GRM7: variants seen among roughly 807,000 people sequenced by gnomAD.
GRM7 encodes the protein glutamate metabotropic receptor 7.
A neutral mutation model predicts 84.5 loss-of-function variants in GRM7; 35 were observed. That is an observed-to-expected ratio of 0.41 (90% CI 0.32 to 0.55). The LOEUF (loss-of-function observed/expected upper bound fraction) is 0.55, where lower values mean the gene tolerates loss of function less well. Among genes scored for constraint, GRM7 ranks in the 20% least tolerant of loss-of-function variants. The pLI, the probability that GRM7 is intolerant of heterozygous loss-of-function variation, is 0.19. For missense variants in GRM7, 1,003 were observed against 1,194.6 expected, an observed-to-expected ratio of 0.84 and a Z score of 2.36; for synonymous variants, 487 against 455.1, an observed-to-expected ratio of 1.07 and a Z score of -0.89.
intron 1 of GRM7, among the ~76,000 whole-genome samples, chr3:6,967,144 C>A (rs188626555): frequency 3.5e-3 from 534 of 152,126 alleles, no homozygotes; most frequent in African/African-American, 0.012. Flanking sequence ...CTTTGAGTTG[C>A]CAAACTATAG....
At chr3:7,424,587 C>A (rs1471615602) in intron 5 of GRM7, among the ~76,000 whole-genome samples, 1 of 152,062 alleles carries the variant, frequency 6.6e-6, no homozygotes, top group Non-Finnish European at 1.5e-5. Flanking sequence ...GTATAGCTAC[C>A]AACGAGAAAA....
At chr3:7,166,472 T>A (rs112401447) in intron 2 of GRM7, among the ~76,000 whole-genome samples, 1 of 152,140 alleles carries the variant, frequency 6.6e-6, no homozygotes, top group Non-Finnish European at 1.5e-5. Context: ...TTCTGAGATA[T>A]CAAACTCACG....
chr3:7,320,802 A>G (rs1700751379), intron 4 of GRM7, among the ~76,000 whole-genome samples: 1 of 151,250 alleles, frequency 6.6e-6, no homozygotes, highest in South Asian at 2.1e-4. Context: ...TTGCTGTGTA[A>G]TATTCCATTG....
rs373999807 is a variant in GRM7, at chr3:7,547,352, G to T, written c.1516-31070G>T. 8.6e-5 allele frequency among the ~76,000 whole-genome samples: 13 copies of T among 151,848 alleles called. No individual in the cohort carries two copies. In the East Asian group the frequency reaches 9.8e-4, roughly 11 times the overall value. ...CTCCCAAGTAGCTGGGACTACAGGCGCCCGCCGCCACGCCTGGCTAATTTT... is the reference window on the plus strand; with the variant it reads ...CTCCCAAGTAGCTGGGACTACAGGCTCCCGCCGCCACGCCTGGCTAATTTT... On this transcript the variant is annotated intron_variant, in intron 7 of 9. Coordinates refer to ENST00000357716, the MANE Select transcript of GRM7 (RefSeq NM_000844.4).
intron 4 of GRM7, among the ~76,000 whole-genome samples, chr3:7,316,166 C>G (rs1700574726): frequency 6.6e-6 from 1 of 151,928 alleles, no homozygotes; most frequent in Admixed American, 6.6e-5. Context: ...AACTGGTGAG[C>G]CGGAGCACAG....
At chr3:7,025,035 A>G (rs891122943) in intron 1 of GRM7, among the ~76,000 whole-genome samples, 1 of 152,162 alleles carries the variant, frequency 6.6e-6, no homozygotes, top group Non-Finnish European at 1.5e-5. Flanking sequence ...GCCCTTTTCA[A>G]GTTTTAGAGA....
At chr3:6,910,334 G>A (rs1696725656) in intron 1 of GRM7, among the ~76,000 whole-genome samples, 1 of 152,064 alleles carries the variant, frequency 6.6e-6, no homozygotes, top group Non-Finnish European at 1.5e-5. Context: ...TATTTCACAT[G>A]GTGGAGGCAA....
intron 9 of GRM7, among the ~76,000 whole-genome samples, chr3:7,724,647 AG>A (rs1389185226): frequency 6.6e-6 from 1 of 152,224 alleles, no homozygotes; most frequent in East Asian, 1.9e-4. Flanking sequence ...ATACAGTCAA[AG>A]GCACCAGTTT....
At chr3:7,585,056 A>G (rs1695456462) in intron 8 of GRM7, among the ~76,000 whole-genome samples, 1 of 152,156 alleles carries the variant, frequency 6.6e-6, no homozygotes, top group Non-Finnish European at 1.5e-5. Context: ...TTTCTCTTCT[A>G]GCATGCTTAG....
intron 9 of GRM7, among the ~76,000 whole-genome samples, chr3:7,691,937 G>A (rs924930379): frequency 6.6e-6 from 1 of 152,114 alleles, no homozygotes; most frequent in Non-Finnish European, 1.5e-5. Flanking sequence ...GGGATTACAG[G>A]TGTGAGCCAC....
chr3:7,565,670 A>G (rs748820262), intron 7 of GRM7, among the ~76,000 whole-genome samples: 1 of 152,222 alleles, frequency 6.6e-6, no homozygotes, highest in Non-Finnish European at 1.5e-5. Flanking sequence ...CATTGATGAT[A>G]TTAACCGAAA....
At chr3:7,219,923 A>G (rs759172155) in intron 2 of GRM7, among the ~76,000 whole-genome samples, 5 of 152,174 alleles carry the variant, frequency 3.3e-5, no homozygotes, top group Non-Finnish European at 7.3e-5. Context: ...CCATGATGGT[A>G]AAAGTATGTC....
At chr3:7,048,445 G>T (rs563386895) in intron 1 of GRM7, among the ~76,000 whole-genome samples, 2 of 151,262 alleles carry the variant, frequency 1.3e-5, no homozygotes, top group Admixed American at 1.3e-4. Context: ...ATTGATGTTT[G>T]TATTTTTGTT....
At chr3:6,935,072 A>G (rs1697640025) in intron 1 of GRM7, among the ~76,000 whole-genome samples, 1 of 152,192 alleles carries the variant, frequency 6.6e-6, no homozygotes, top group Admixed American at 6.5e-5. Flanking sequence ...CTCGGCACTA[A>G]CCCTAGAACA....
At chr3:7,054,585 G>A (rs115115445) in intron 1 of GRM7, among the ~76,000 whole-genome samples, 161 of 151,680 alleles carry the variant, frequency 1.1e-3, no homozygotes, top group Non-Finnish European at 1.1e-3. Flanking sequence ...ATTATTTCTC[G>A]CAAGTCCTTA....
At chr3:6,916,960 T>C (rs560224530) in intron 1 of GRM7, among the ~76,000 whole-genome samples, 75 of 152,204 alleles carry the variant, frequency 4.9e-4, no homozygotes, top group Non-Finnish European at 9.0e-4. Flanking sequence ...AAGTAACCCT[T>C]AGGAGTTTTC....
chr3:7,625,900 T>C (rs976241722), intron 8 of GRM7, among the ~76,000 whole-genome samples: 10 of 152,082 alleles, frequency 6.6e-5, no homozygotes, highest in Admixed American at 5.2e-4. Context: ...AGGGAGAAAT[T>C]ACAGAAAAGG....
intron 1 of GRM7, among the ~76,000 whole-genome samples, chr3:6,972,187 C>A (rs544147902): frequency 1.3e-4 from 20 of 152,238 alleles, no homozygotes; most frequent in Middle Eastern, 3.4e-3. Flanking sequence ...CATTTTCTCA[C>A]TTCATTGACG....
At position 7,551,308 on chromosome 3, in the gene GRM7, G is replaced by A. The variant is rs987088868; in HGVS notation, c.1516-27114G>A. ...AATAATGAGGTTTCCTAAACTCAGG[G>A]TTTTTCACGTGTAAAACAACCTACA... is the stretch of plus-strand genomic sequence containing the variant. On this transcript the variant is annotated intron_variant, in intron 7 of 9. Transcript: ENST00000357716. Among the ~76,000 whole-genome samples the A allele has an allele frequency of 3.3e-5, 5 of 152,224 alleles. No homozygotes were observed. The East Asian group carries it at 9.6e-4, about 29-fold the overall frequency.
Sources: allele counts gnomAD v4.1 joint callset (sites outside exome capture counted in the v4.1 genomes callset), GRCh38; gene constraint gnomAD v4.1.1; transcripts MANE v1.5; gene names NCBI Gene and HGNC (gene_info 2026-07-23, HGNC 2026-07-21).